The following GSE1 variants were observed in gnomAD, a reference collection of about 807,000 sequenced individuals.
GSE1 encodes genetic suppressor element 1.
In GSE1, 32 loss-of-function variants were observed where a neutral mutation model predicts 112.6. The observed-to-expected ratio is 0.28, with a 90% CI of 0.21 to 0.38. The LOEUF is 0.38. Among genes scored for constraint, GSE1 ranks in the 10% least tolerant of loss-of-function variants. The pLI, the probability that GSE1 is intolerant of heterozygous loss-of-function variation, is 1.00. For synonymous variants in GSE1, 1,115 were observed against 735.6 expected, an observed-to-expected ratio of 1.52 and a Z score of -8.35; for missense variants, 2,348 against 1,699.2, an observed-to-expected ratio of 1.38 and a Z score of -6.71.
intron 1 of GSE1, among the ~76,000 whole-genome samples, chr16:85,246,946 A>G (rs1597181689): frequency 6.6e-6 from 1 of 152,112 alleles, no homozygotes; most frequent in South Asian, 2.1e-4. Context: ...TAATGTTGCC[A>G]AGGCGCTTCC....
intron 1 of GSE1, among the ~76,000 whole-genome samples, chr16:85,196,553 G>T (rs866799134): frequency 6.6e-6 from 1 of 152,134 alleles, no homozygotes; most frequent in African/African-American, 2.4e-5. Context: ...CTGGTGCCCA[G>T]GGGGAGTTTG....
At position 85,674,611 on chromosome 16, in the gene GSE1, G is replaced by T. The variant is rs980658352; in HGVS notation, c.*2072G>T. On this transcript the variant is annotated 3_prime_UTR_variant, in exon 16 of 16. Transcript: ENST00000253458. ...TCAGGCCTCCTCCTCCATCACAGAT[G>T]TCTGGATGCTTTTGGAAATGGCCTT... 1 of 152,276 alleles carries T rather than the reference G, an allele frequency of 6.6e-6. No individual in the cohort carries two copies. Among genetic ancestry groups the T allele is most frequent in the Non-Finnish European group, 1.5e-5 (1 of 68,052 alleles). 9.4% of individuals were successfully genotyped at this position (152,276 alleles called of 1,614,324 possible). A position where few individuals can be genotyped will look rare whatever the true frequency, so the allele number is the denominator to read the frequency against.
At chr16:85,316,869 C>T (rs1246724786) in intron 1 of GSE1, among the ~76,000 whole-genome samples, 1 of 152,206 alleles carries the variant, frequency 6.6e-6, no homozygotes, top group Non-Finnish European at 1.5e-5. Context: ...TGCAGCCCCT[C>T]AGGGCACAGG....
intron 2 of GSE1, among the ~76,000 whole-genome samples, chr16:85,484,875 C>T (rs2050784316): frequency 6.6e-6 from 1 of 152,228 alleles, no homozygotes; most frequent in Non-Finnish European, 1.5e-5. Context: ...CTTTGGCCTC[C>T]ACTGTGATGG....
intron 2 of GSE1, among the ~76,000 whole-genome samples, chr16:85,399,522 A>G (rs991672633): frequency 1.3e-5 from 2 of 152,214 alleles, no homozygotes; most frequent in African/African-American, 4.8e-5. Flanking sequence ...CACAGCCCCC[A>G]TCCTTGCGGG....
chr16:85,214,653 C>T (rs964179362), intron 1 of GSE1, among the ~76,000 whole-genome samples: 2 of 152,158 alleles, frequency 1.3e-5, no homozygotes, highest in East Asian at 3.9e-4. Flanking sequence ...CAGTAATACC[C>T]GGGCCCTTCT....
chr16:85,314,121 C>A (rs866223684), intron 1 of GSE1, among the ~76,000 whole-genome samples: 9 of 152,204 alleles, frequency 5.9e-5, no homozygotes, highest in South Asian at 4.1e-4. Flanking sequence ...GTGTGTGTGA[C>A]ACAGCCTAGC....
chr16:85,645,676 C>T (rs894924641), intron 2 of GSE1, among the ~76,000 whole-genome samples: 1 of 152,250 alleles, frequency 6.6e-6, no homozygotes, highest in African/African-American at 2.4e-5. Flanking sequence ...CGTGCCCACT[C>T]CGGACACAGT....
intron 1 of GSE1, among the ~76,000 whole-genome samples, chr16:85,212,118 G>C (rs2075236159): frequency 6.6e-6 from 1 of 152,188 alleles, no homozygotes; most frequent in African/African-American, 2.4e-5. Flanking sequence ...TAATAATTGG[G>C]CTAGAAGCCG....
At chr16:85,182,166 C>A (rs1011919409) in intron 1 of GSE1, among the ~76,000 whole-genome samples, 20 of 152,224 alleles carry the variant, frequency 1.3e-4, no homozygotes, top group Admixed American at 1.2e-3. Flanking sequence ...ACCCTCCCCG[C>A]CCCCCGCTGC....
chr16:85,269,344 G>T (rs1044951057), intron 1 of GSE1, among the ~76,000 whole-genome samples: 1 of 149,340 alleles, frequency 6.7e-6, no homozygotes, highest in African/African-American at 2.4e-5. Flanking sequence ...GGCAGGCTGG[G>T]AGGCGAGCGT....
intron 2 of GSE1, among the ~76,000 whole-genome samples, chr16:85,411,192 C>G (rs2048532200): frequency 1.0e-5 from 1 of 97,786 alleles, no homozygotes; most frequent in South Asian, 3.4e-4. Flanking sequence ...CCGGATAATC[C>G]TCACTGTTAC....
intron 1 of GSE1, among the ~76,000 whole-genome samples, chr16:85,557,597 C>G (rs2045300599): frequency 6.7e-6 from 1 of 150,374 alleles, no homozygotes; most frequent in Admixed American, 6.6e-5. Flanking sequence ...TTCAGAAGAT[C>G]CTGTCACTTT....
At chr16:85,302,753 G>A (rs529316120) in intron 1 of GSE1, among the ~76,000 whole-genome samples, 1 of 152,332 alleles carries the variant, frequency 6.6e-6, no homozygotes, top group East Asian at 1.9e-4. Context: ...ACCTGAGAAC[G>A]TGATGAGCTC....
chr16:85,228,667 A>G (rs574928549), intron 1 of GSE1, among the ~76,000 whole-genome samples: 1 of 152,302 alleles, frequency 6.6e-6, no homozygotes, highest in South Asian at 2.1e-4. Flanking sequence ...CCCCACGAGA[A>G]TGGCATGAAT....
At chr16:85,556,291 T>C (rs1598167198) in exon 1 of GSE1, 2 of 983,814 alleles carry the variant, frequency 2.0e-6, no homozygotes, top group Non-Finnish European at 2.4e-6. Flanking sequence ...TCCTTCTTCA[T>C]CCCTCTCTGG....
At chr16:85,262,392 G>A (rs561273394) in intron 1 of GSE1, among the ~76,000 whole-genome samples, 2 of 152,258 alleles carry the variant, frequency 1.3e-5, no homozygotes, top group East Asian at 1.9e-4. Flanking sequence ...AGTTTGCATC[G>A]CTTTTGACAG....
At chr16:85,671,480 A>G (rs2053336108) in intron 15 of GSE1, among the ~76,000 whole-genome samples, 1 of 146,934 alleles carries the variant, frequency 6.8e-6, no homozygotes, top group Non-Finnish European at 1.5e-5. Context: ...GACTGCATGC[A>G]ATGGCTTACA....
chr16:85,256,328 C>T (rs955676271), intron 1 of GSE1, among the ~76,000 whole-genome samples: 6 of 152,230 alleles, frequency 3.9e-5, no homozygotes, highest in African/African-American at 1.4e-4. Context: ...AAGGCAGACA[C>T]GTCTAAGTGC....
Sources: gnomAD v4.1 joint callset for allele counts (sites outside exome capture counted in the v4.1 genomes callset) on GRCh38, gnomAD v4.1.1 for gene constraint, MANE v1.5 for transcripts, NCBI Gene and HGNC (gene_info 2026-07-23, HGNC 2026-07-21) for gene names.